NF1: variants seen among roughly 807,000 people sequenced by gnomAD.
The protein encoded by NF1 is neurofibromin 1.
NF1 carries 122 observed loss-of-function variants against 325.7 expected under a neutral mutation model. The ratio of observed to expected loss-of-function variants is 0.37; its 90% CI spans 0.32 to 0.44. The LOEUF (loss-of-function observed/expected upper bound fraction) is 0.44. Among genes scored for constraint, NF1 ranks in the 20% least tolerant of loss-of-function variants. The pLI is 1.00. For synonymous variants in NF1, 1,091 were observed against 1,186.0 expected, an observed-to-expected ratio of 0.92 and a Z score of 1.65; for missense variants, 2,140 against 3,415.4, an observed-to-expected ratio of 0.63 and a Z score of 9.31.
At chr17:31,300,969 C>T (rs1239866050) in intron 36 of NF1, among the ~76,000 whole-genome samples, 2 of 152,042 alleles carry the variant, frequency 1.3e-5, no homozygotes, top group Non-Finnish European at 2.9e-5. Context: ...TAATGTTTTG[C>T]ACTATTAAAA....
In NF1 at chr17:31,358,496, T is replaced by C. The variant is rs2151584821; in HGVS notation, c.7987T>C (p.Ser2663Pro). ...TTCTTTTAGGCATAATTTGTTGGAC[T>C]CTAAGATCAACACCCTGTTATCATT... The part of the protein sequence containing the change: ...VFPVVHNLLD[S>P]KINTLLSLCQ... Residue 2663 changes from serine (S) to proline (P), a missense_variant, in exon 55 of 58, where the codon TCT (serine) becomes CCT (proline). Transcript: ENST00000358273. 6.2e-7 allele frequency: 1 copy of C among 1,613,914 alleles called. No homozygotes were observed. Among genetic ancestry groups the C allele is most frequent in the South Asian group, 1.1e-5 (1 of 91,066 alleles).
At chr17:31,143,972 C>T (rs1289928924) in intron 1 of NF1, among the ~76,000 whole-genome samples, 2 of 152,090 alleles carry the variant, frequency 1.3e-5, no homozygotes, top group Non-Finnish European at 2.9e-5. Context: ...CAGGCGCCTG[C>T]CACGACGCCC....
In NF1 at chr17:31,336,369, A is replaced by C; in HGVS notation, c.6043A>C (p.Ile2015Leu). 2 of 1,614,138 alleles carry C rather than the reference A, an allele frequency of 1.2e-6. No individual in the cohort carries two copies. The highest frequency in any genetic ancestry group is 1.7e-6 in the Non-Finnish European group (2 of 1,180,012). ...GCTTGATGTTGTACTAGACAGTTTCATCAAAACCAGTGCAACAGGTGGCTT... is the reference window on the plus strand; with the variant it reads ...GCTTGATGTTGTACTAGACAGTTTCCTCAAAACCAGTGCAACAGGTGGCTT... ...DLLDVVLDSF[I>L]KTSATGGLGS... Residue 2015 changes from isoleucine to leucine, a missense_variant, in exon 41 of 58, where the codon ATC becomes CTC. By Grantham distance (5) the Ile-to-Leu change is conservative. Around this residue, in one of 10 missense-constraint regions of NF1, gnomAD observed 180 missense variants for 435.1 expected, o/e 0.41. Transcript: ENST00000358273. The surrounding 1 kb of genome is among the most constrained non-coding windows in gnomAD (Gnocchi z 5.5).
At chr17:31,214,226 T>A (rs368418863) in intron 12 of NF1, among the ~76,000 whole-genome samples, 1 of 151,916 alleles carries the variant, frequency 6.6e-6, no homozygotes. Context: ...TTTATTAGAT[T>A]GATAAAAAAA....
At position 31,122,791 on chromosome 17, in the gene NF1, A is replaced by T. The variant is rs756324990; in HGVS notation, c.60+27422A>T. On this transcript the variant is annotated intron_variant, in intron 1 of 57. Coordinates refer to ENST00000358273, the MANE Select transcript of NF1 (RefSeq NM_001042492.3). ...ATGGAATCATTTTGGTATGGAGAAG[A>T]AATGGTTAAAAATAGACCAGTGGGT... Among the ~76,000 whole-genome samples, 6 of 152,198 alleles carry T rather than the reference A, an allele frequency of 3.9e-5. No individual in the cohort carries two copies. In the South Asian group the frequency reaches 6.2e-4, roughly 16 times the overall value.
chr17:31,286,387 C>T (rs1028518373), intron 36 of NF1, among the ~76,000 whole-genome samples: 2 of 152,184 alleles, frequency 1.3e-5, no homozygotes, highest in African/African-American at 4.8e-5. Context: ...CCACACCCAG[C>T]CTATTTTAAT....
intron 36 of NF1, among the ~76,000 whole-genome samples, chr17:31,287,542 C>CTGTGTGTGTG (rs59906241): frequency 0.029 from 4,194 of 145,530 alleles, 174 homozygotes; most frequent in African/African-American, 0.092. Context: ...TCATTCATAA[C>CTGTGTGTGTG]TGTGTGTGTG....
intron 4 of NF1, among the ~76,000 whole-genome samples, chr17:31,169,252 C>T (rs1337981823): frequency 6.6e-6 from 1 of 152,034 alleles, no homozygotes; most frequent in Non-Finnish European, 1.5e-5. Context: ...GGTGACCTGC[C>T]CTCACCTTGT....
At chr17:31,283,884 C>T (rs1224967818) in intron 36 of NF1, among the ~76,000 whole-genome samples, 1 of 152,134 alleles carries the variant, frequency 6.6e-6, no homozygotes, top group African/African-American at 2.4e-5. Flanking sequence ...CTCATTTGAG[C>T]CAGAAGATTT....
At position 31,223,570 on chromosome 17, in the gene NF1, A is replaced by G; in HGVS notation, c.1845+3A>G. 6.2e-7 allele frequency: 1 copy of G among 1,610,456 alleles called. No homozygotes were observed. Among genetic ancestry groups the G allele is most frequent in the Non-Finnish European group, 8.5e-7 (1 of 1,177,152 alleles). On this transcript the variant is annotated splice_donor_region_variant and intron_variant, in intron 16 of 57. Transcript: ENST00000358273. Reference sequence around the variant, plus strand: ...ATAAATTTCTTCTTAAAAATAAGGTAAGCAAAATGACATATTTAAAAAATG... The same window carrying G: ...ATAAATTTCTTCTTAAAAATAAGGTGAGCAAAATGACATATTTAAAAAATG...
chr17:31,105,024 A>G (rs1028908405), intron 1 of NF1, among the ~76,000 whole-genome samples: 2 of 151,994 alleles, frequency 1.3e-5, no homozygotes, highest in Non-Finnish European at 2.9e-5. Flanking sequence ...CCACCTCCCG[A>G]ATATCTAGGA....
At chr17:31,144,708 C>T (rs1916470973) in intron 1 of NF1, among the ~76,000 whole-genome samples, 1 of 152,174 alleles carries the variant, frequency 6.6e-6, no homozygotes, top group Admixed American at 6.5e-5. Flanking sequence ...CCATTTTTTA[C>T]ATGACAACTG....
intron 4 of NF1, among the ~76,000 whole-genome samples, chr17:31,164,824 A>G (rs1183627429): frequency 6.6e-6 from 1 of 152,208 alleles, no homozygotes; most frequent in East Asian, 1.9e-4. Flanking sequence ...GTTTTATTTA[A>G]TGGTATATTA....
At chr17:31,161,771 C>T (rs889549775) in intron 3 of NF1, among the ~76,000 whole-genome samples, 5 of 152,264 alleles carry the variant, frequency 3.3e-5, no homozygotes, top group East Asian at 1.9e-4. Flanking sequence ...CACCATGGCT[C>T]ACGCCTGGAA....
intron 43 of NF1, 52 bp downstream of exon 43, chr17:31,337,634 A>G (rs1193345332): frequency 6.6e-7 from 1 of 1,522,004 alleles, no homozygotes; most frequent in Middle Eastern, 2.1e-4. Flanking sequence ...TTTTAAAAAT[A>G]TGTTAATACT....
At chr17:31,170,087 T>A in intron 5 of NF1, 90 bp downstream of exon 5, 1 of 813,428 alleles carries the variant, frequency 1.2e-6, no homozygotes, top group Non-Finnish European at 2.1e-6. Flanking sequence ...TGTGCTGAAC[T>A]AGAACACCAA....
intron 31 of NF1, among the ~76,000 whole-genome samples, chr17:31,255,419 GA>G (rs932271482): frequency 8.7e-5 from 13 of 148,606 alleles, no homozygotes; most frequent in South Asian, 4.3e-4. Flanking sequence ...AGTGGTGAAT[GA>G]AAAAAAAACA....
At chr17:31,292,984 C>T (rs935379037) in intron 36 of NF1, among the ~76,000 whole-genome samples, 1 of 151,672 alleles carries the variant, frequency 6.6e-6, no homozygotes, top group African/African-American at 2.4e-5. Flanking sequence ...TTGAGACCAG[C>T]CTGGCCAACA....
chr17:31,179,773 ACT>A (rs973108135), intron 5 of NF1, among the ~76,000 whole-genome samples: 2 of 151,226 alleles, frequency 1.3e-5, no homozygotes, highest in Non-Finnish European at 2.9e-5. Context: ...ACAGAGCAAG[ACT>A]CTGTTTAAAA....
Sources: allele counts gnomAD v4.1 joint callset (sites outside exome capture counted in the v4.1 genomes callset), GRCh38; gene constraint gnomAD v4.1.1; regional missense constraint gnomAD v4.1.1; non-coding constraint Gnocchi (gnomAD v3.1); transcripts MANE v1.5; gene names NCBI Gene and HGNC (gene_info 2026-07-23, HGNC 2026-07-21).